Variants in CDH12 observed in about 807,000 individuals in gnomAD.
CDH12 encodes cadherin 12, also known as cadherin-12.
In CDH12, 41 loss-of-function variants were observed where a neutral mutation model predicts 74.1. The ratio of observed to expected loss-of-function variants is 0.55; its 90% CI spans 0.43 to 0.72. The LOEUF (loss-of-function observed/expected upper bound fraction) is 0.72. Ranked by LOEUF, CDH12 falls within the 30% of genes least tolerant of loss-of-function variation. The pLI is 0.00. For synonymous variants in CDH12, 399 were observed against 355.0 expected (o/e 1.12, Z -1.39); for missense variants, 945 against 977.2 (o/e 0.97, Z 0.44).
At chr5:21,948,849 T>A (rs1755696524) in intron 6 of CDH12, among the ~76,000 whole-genome samples, 1 of 152,170 alleles carries the variant, frequency 6.6e-6, no homozygotes. Flanking sequence ...CATGCTGTTC[T>A]TATGATAGTG....
At chr5:21,896,700 A>G (rs1000390478) in intron 6 of CDH12, among the ~76,000 whole-genome samples, 1 of 152,188 alleles carries the variant, frequency 6.6e-6, no homozygotes, top group African/African-American at 2.4e-5. Context: ...AAACACGTGA[A>G]ACAAAAAAAA....
chr5:21,893,212 G>A (rs560373552), intron 6 of CDH12, among the ~76,000 whole-genome samples: 9 of 152,206 alleles, frequency 5.9e-5, no homozygotes, highest in Admixed American at 5.9e-4. Flanking sequence ...TTCAAGCATG[G>A]GTGGATCATT....
intron 3 of CDH12, among the ~76,000 whole-genome samples, chr5:22,254,163 T>C (rs184294875): frequency 1.8e-4 from 28 of 151,950 alleles, no homozygotes; most frequent in Admixed American, 1.7e-3. Context: ...AACTTTTAGG[T>C]ATATACATGA....
At chr5:21,849,725 C>G (rs1750364214) in intron 7 of CDH12, among the ~76,000 whole-genome samples, 1 of 151,702 alleles carries the variant, frequency 6.6e-6, no homozygotes, top group South Asian at 2.1e-4. Context: ...GTGTCTTACT[C>G]AGTTCTACAG....
intron 4 of CDH12, among the ~76,000 whole-genome samples, chr5:22,194,053 C>G (rs1249929297): frequency 6.6e-6 from 1 of 152,000 alleles, no homozygotes; most frequent in Non-Finnish European, 1.5e-5. Context: ...TGTTCAAAAC[C>G]CAGGATGGAG....
At chr5:22,839,003 G>A (rs1736966906) in intron 1 of CDH12, among the ~76,000 whole-genome samples, 1 of 152,034 alleles carries the variant, frequency 6.6e-6, no homozygotes, top group Admixed American at 6.6e-5. Flanking sequence ...AGCCTTTTAG[G>A]CAAATTTGTC....
chr5:21,841,795 G>A (rs929575346), intron 8 of CDH12, among the ~76,000 whole-genome samples: 2 of 148,314 alleles, frequency 1.3e-5, no homozygotes, highest in African/African-American at 5.0e-5. Flanking sequence ...ACTCATAGGT[G>A]GGAATTGAAC....
intron 6 of CDH12, among the ~76,000 whole-genome samples, chr5:21,872,560 G>A (rs10039826): frequency 0.93 from 142,222 of 152,178 alleles, 67,139 homozygotes; most frequent in Non-Finnish European, 1. Context: ...CTGAGTATGG[G>A]ATATACTCAC....
At chr5:22,538,130 C>A (rs1446080099) in intron 1 of CDH12, among the ~76,000 whole-genome samples, 1 of 152,138 alleles carries the variant, frequency 6.6e-6, no homozygotes, top group Non-Finnish European at 1.5e-5. Context: ...AATCTTTTTT[C>A]TTCACCCCAA....
At chr5:21,970,948 C>G (rs1407901142) in intron 6 of CDH12, among the ~76,000 whole-genome samples, 2 of 149,720 alleles carry the variant, frequency 1.3e-5, no homozygotes, top group Non-Finnish European at 3.0e-5. Flanking sequence ...GCATTTCTCC[C>G]CAAACTTCAT....
intron 3 of CDH12, among the ~76,000 whole-genome samples, chr5:22,244,100 A>C (rs1376347166): frequency 6.6e-6 from 1 of 152,148 alleles, no homozygotes; most frequent in Non-Finnish European, 1.5e-5. Flanking sequence ...AGGCAAAAAA[A>C]AATGCATCCC....
At chr5:22,074,121 T>C (rs936021372) in intron 5 of CDH12, among the ~76,000 whole-genome samples, 7 of 151,930 alleles carry the variant, frequency 4.6e-5, no homozygotes, top group Admixed American at 2.6e-4. Flanking sequence ...GTGAAGACGA[T>C]GAGGATAAAC....
intron 4 of CDH12, among the ~76,000 whole-genome samples, chr5:22,174,236 T>G (rs910388842): frequency 6.6e-6 from 1 of 151,976 alleles, no homozygotes; most frequent in Admixed American, 6.6e-5. Context: ...ACTAAACACA[T>G]GCTTAAAGCT....
intron 2 of CDH12, among the ~76,000 whole-genome samples, chr5:22,417,986 AATTTT>A (rs1430377188): frequency 6.6e-6 from 1 of 152,158 alleles, no homozygotes; most frequent in African/African-American, 2.4e-5. Flanking sequence ...AACTTTATTT[AATTTT>A]ATTTTAAGTT....
At chr5:22,078,168 T>G (rs1328288612) in intron 5 of CDH12, among the ~76,000 whole-genome samples, 1 of 152,262 alleles carries the variant, frequency 6.6e-6, no homozygotes, top group African/African-American at 2.4e-5. Flanking sequence ...ATTTTCATAC[T>G]TTAACTTCAT....
chr5:22,800,629 A>C (rs891298338), intron 1 of CDH12, among the ~76,000 whole-genome samples: 2 of 152,138 alleles, frequency 1.3e-5, no homozygotes, highest in Non-Finnish European at 2.9e-5. Context: ...AATATTTAAC[A>C]TGTATCTACA....
intron 6 of CDH12, among the ~76,000 whole-genome samples, chr5:21,954,374 G>T (rs1228022258): frequency 6.6e-6 from 1 of 151,624 alleles, no homozygotes; most frequent in African/African-American, 2.4e-5. Flanking sequence ...AGAGTAGTGT[G>T]TGTGAGTGCC....
intron 5 of CDH12, among the ~76,000 whole-genome samples, chr5:22,070,030 T>A (rs1234467196): frequency 6.6e-6 from 1 of 152,174 alleles, no homozygotes; most frequent in Non-Finnish European, 1.5e-5. Context: ...TGACCAGTGA[T>A]GGAAATGAGG....
In CDH12 at chr5:22,648,723, C is replaced by G. The variant is rs1266037227; in HGVS notation, c.-522-143359G>C. ...TAATTTGGAGTTGTTTCTTTAGGAC[C>G]TGATTTTATGTACCATTTAATAGAT... On this transcript the variant is annotated intron_variant, in intron 1 of 14. Transcript: ENST00000382254. Among the ~76,000 whole-genome samples the G allele has an allele frequency of 3.3e-5, 5 of 151,660 alleles. No individual in the cohort carries two copies. The Admixed American group carries it at 3.3e-4, about 10-fold the overall frequency.
Sources: allele counts gnomAD v4.1 joint callset (sites outside exome capture counted in the v4.1 genomes callset), GRCh38; gene constraint gnomAD v4.1.1; transcripts MANE v1.5; gene names NCBI Gene and HGNC (gene_info 2026-07-23, HGNC 2026-07-21).